Variants in AIFM1 observed in about 807,000 individuals in gnomAD.
AIFM1 encodes apoptosis-inducing factor 1, mitochondrial.
Under a neutral mutation model 51.7 loss-of-function variants are expected in AIFM1, and 3 were observed. The ratio of observed to expected loss-of-function variants is 0.06; its 90% CI spans 0.03 to 0.15. AIFM1 has a LOEUF of 0.15. AIFM1 is among the 10% of genes least tolerant of loss of function. AIFM1 has a pLI of 1.00. For synonymous variants in AIFM1, 178 were observed against 179.4 expected (o/e 0.99, Z 0.06); for missense variants, 330 against 476.8 (o/e 0.69, Z 2.87).
chrX:130,129,466 A>C lies in AIFM1; in HGVS notation c.*91T>G. ...GACTTGATCATTCACACTCATACAC[A>C]GAGAAAGTCTGCTGAATAAAAAAAT... On this transcript the variant is annotated 3_prime_UTR_variant, in exon 16 of 16. Coordinates refer to ENST00000287295, the MANE Select transcript of AIFM1 (RefSeq NM_004208.4). 1 of 730,652 alleles carries C rather than the reference A, an allele frequency of 1.4e-6. No individual in the cohort carries two copies. The highest frequency in any genetic ancestry group is 3.2e-5 in the East Asian group (1 of 31,558). 60.2% of individuals were successfully genotyped at this position (730,652 alleles called of 1,213,427 possible). A position where few individuals can be genotyped will look rare whatever the true frequency, so the allele number is the denominator to read the frequency against.
chrX:130,135,804 G>A (rs1485317796), intron 12 of AIFM1, among the ~76,000 whole-genome samples: 1 of 111,356 alleles, frequency 9.0e-6, no homozygotes, highest in Non-Finnish European at 1.9e-5. Context: ...AAGTAGAACC[G>A]GAAGAGCTCT....
chrX:130,155,418 T>C, intron 2 of AIFM1: 3 of 733,623 alleles, frequency 4.1e-6, no homozygotes, highest in South Asian at 2.4e-5. Context: ...AAGAAAAAAA[T>C]GCTGCTCCAG....
intron 6 of AIFM1, among the ~76,000 whole-genome samples, chrX:130,141,984 CCTT>C (rs1458019658): frequency 8.9e-6 from 1 of 111,906 alleles, no homozygotes; most frequent in Non-Finnish European, 1.9e-5. Flanking sequence ...GCACCCTACT[CCTT>C]CTTATGGTTA....
intron 1 of AIFM1, among the ~76,000 whole-genome samples, chrX:130,161,550 T>C (rs2031352925): frequency 1.9e-5 from 2 of 105,956 alleles, no homozygotes; most frequent in African/African-American, 3.4e-5. Flanking sequence ...CAAGCCTAGA[T>C]AGTCTGTCCA....
intron 5 of AIFM1, among the ~76,000 whole-genome samples, chrX:130,146,394 T>C (rs1290102295): frequency 9.1e-6 from 1 of 110,015 alleles, no homozygotes; most frequent in East Asian, 2.8e-4. Flanking sequence ...CAGTGAGCTA[T>C]GATTCGGCCA....
intron 1 of AIFM1, among the ~76,000 whole-genome samples, chrX:130,163,948 G>T (rs1156301238): frequency 9.7e-6 from 1 of 102,919 alleles, no homozygotes; most frequent in Non-Finnish European, 2.0e-5. Context: ...GAGGTCAGGA[G>T]ATCGAGACCA....
intron 6 of AIFM1, among the ~76,000 whole-genome samples, chrX:130,141,405 A>C (rs1211007492): frequency 2.7e-5 from 3 of 111,963 alleles, no homozygotes; most frequent in Non-Finnish European, 1.9e-5. Flanking sequence ...AGCCTTTCTT[A>C]TATGGCTGTT....
At chrX:130,136,210 G>C in intron 11 of AIFM1, 25 bp from the exon 12 acceptor site, 1 of 1,209,421 alleles carries the variant, frequency 8.3e-7, no homozygotes, top group Non-Finnish European at 1.1e-6. Context: ...AAATAATTCA[G>C]TCAATTACCA....
chrX:130,134,223 C>T (rs891064819), intron 12 of AIFM1, among the ~76,000 whole-genome samples: 7 of 107,424 alleles, frequency 6.5e-5, no homozygotes, highest in Non-Finnish European at 1.2e-4. Flanking sequence ...GGAAACAGAG[C>T]GAGACACCGC....
At chrX:130,158,358 G>C (rs1345423376) in intron 1 of AIFM1, among the ~76,000 whole-genome samples, 1 of 112,236 alleles carries the variant, frequency 8.9e-6, no homozygotes, top group Non-Finnish European at 1.9e-5. Flanking sequence ...GACTGGCTTT[G>C]GCCTGTGGCT....
chrX:130,145,816 A>G (rs1356033657), intron 5 of AIFM1, among the ~76,000 whole-genome samples: 1 of 111,783 alleles, frequency 8.9e-6, no homozygotes, highest in African/African-American at 3.3e-5. Flanking sequence ...CTGGGTTGTA[A>G]TAACTTGGGT....
At chrX:130,135,439 T>TAA (rs1556260137) in intron 12 of AIFM1, among the ~76,000 whole-genome samples, 9,387 of 72,845 alleles carry the variant, frequency 0.13, 659 homozygotes, top group Non-Finnish European at 0.17. Flanking sequence ...TTTTTTTTTT[T>TAA]AAAAAAAAAA....
chrX:130,162,168 C>G (rs931541205), intron 1 of AIFM1, among the ~76,000 whole-genome samples: 1 of 111,871 alleles, frequency 8.9e-6, no homozygotes, highest in Non-Finnish European at 1.9e-5. Context: ...AATCCATGTC[C>G]TCAGGTAGTG....
chrX:130,155,044 A>C, intron 2 of AIFM1: 22 of 984,688 alleles, frequency 2.2e-5, no homozygotes, highest in Non-Finnish European at 2.6e-5. Flanking sequence ...ATAAACACCT[A>C]GAGAAAGCAC....
At chrX:130,132,162 G>A (rs965582767) in intron 13 of AIFM1, among the ~76,000 whole-genome samples, 6 of 111,361 alleles carry the variant, frequency 5.4e-5, no homozygotes, top group African/African-American at 1.3e-4. Context: ...GTGAGCCACC[G>A]CACCCGACCA....
intron 2 of AIFM1, chrX:130,155,431 T>C: frequency 1.6e-6 from 1 of 625,746 alleles, no homozygotes; most frequent in Non-Finnish European, 2.5e-6. Context: ...TGCTCCAGGA[T>C]TGCAGAATGT....
intron 9 of AIFM1, chrX:130,137,488 G>C: frequency 8.6e-7 from 1 of 1,167,211 alleles, no homozygotes; most frequent in Non-Finnish European, 1.1e-6. Flanking sequence ...CTCTGAATAG[G>C]AAGCATCCTC....
Position 130,131,781 on chromosome X carries a change from A to G in AIFM1, c.1467T>C (p.Asp489=), listed in dbSNP as rs774882346. ...CAAGACCAATAGCTTCATAGCCAAC[A>G]TCGGGGCCCAAATCACTCCTAAGAA... is the stretch of plus-strand genomic sequence containing the variant. The part of the protein sequence containing the change: ...QSMFWSDLGP[D]VGYEAIGLVD... The change falls in exon 14 of 16, where the codon GAT becomes GAC. Residue 489 remains aspartate (D), a synonymous_variant. Coordinates refer to ENST00000287295, the MANE Select transcript of AIFM1 (RefSeq NM_004208.4). 2.5e-6 allele frequency: 3 copies of G among 1,211,713 alleles called. No individual in the cohort carries two copies. Among genetic ancestry groups the G allele is most frequent in the South Asian group, 3.5e-5 (2 of 57,003 alleles).
intron 12 of AIFM1, among the ~76,000 whole-genome samples, chrX:130,135,229 G>C (rs1419509802): frequency 1.8e-5 from 2 of 109,123 alleles, no homozygotes; most frequent in African/African-American, 6.7e-5. Context: ...TGGGATTACA[G>C]GCCTGTGCCA....
Sources: allele counts gnomAD v4.1 joint callset (sites outside exome capture counted in the v4.1 genomes callset), GRCh38; gene constraint gnomAD v4.1.1; transcripts MANE v1.5; gene names NCBI Gene and HGNC (gene_info 2026-07-23, HGNC 2026-07-21).